Variants in BPTF observed in about 807,000 individuals in gnomAD.
BPTF encodes bromodomain PHD finger transcription factor.
BPTF carries 18 observed loss-of-function variants against 292.5 expected under a neutral mutation model. The observed-to-expected ratio is 0.06, with a 90% CI of 0.04 to 0.09. The LOEUF is 0.09. Ranked by LOEUF, BPTF falls within the 10% of genes least tolerant of loss-of-function variation. The pLI is 1.00. For missense variants in BPTF, 2,726 were observed against 3,498.7 expected (o/e 0.78, Z 5.57); for synonymous variants, 1,225 against 1,251.9 (o/e 0.98, Z 0.45).
chr17:67,925,663 A>G (rs2063806308), intron 15 of BPTF, among the ~76,000 whole-genome samples: 1 of 152,218 alleles, frequency 6.6e-6, no homozygotes, highest in African/African-American at 2.4e-5. Flanking sequence ...ACAAGTGAGT[A>G]GATATATCTA....
chr17:67,953,046 C>T (rs1229108227), intron 23 of BPTF, among the ~76,000 whole-genome samples: 1 of 151,152 alleles, frequency 6.6e-6, no homozygotes, highest in Non-Finnish European at 1.5e-5. Flanking sequence ...CTGCAAGCTC[C>T]GTCTCCCCGG....
chr17:67,946,063 T>C lies in BPTF; in HGVS notation c.7355T>C (p.Val2452Ala), dbSNP rs1555675129. The change falls in exon 21 of 28, where the codon GTT becomes GCT. Residue 2452 changes from valine (V) to alanine (A), a missense_variant. Physicochemically the swap from Val to Ala is moderately conservative, Grantham distance 64 (BLOSUM62 0). Around this residue, in one of 22 missense-constraint regions of BPTF, gnomAD observed 570 missense variants for 633.5 expected, o/e 0.90. Transcript: ENST00000306378. Reference sequence around the variant, plus strand: ...GTTCTCTCTCAGATCCAGTCACAGGTTGTGGCTCAGATACAGGCTCAGCAA... The same window carrying C: ...GTTCTCTCTCAGATCCAGTCACAGGCTGTGGCTCAGATACAGGCTCAGCAA... ...VQVLSQIQSQVVAQIQAQQSG... is the reference protein window; with the variant it reads ...VQVLSQIQSQAVAQIQAQQSG... 1.2e-6 allele frequency: 2 copies of C among 1,614,116 alleles called. No individual in the cohort carries two copies. Among genetic ancestry groups the C allele is most frequent in the Non-Finnish European group, 1.7e-6 (2 of 1,180,026 alleles).
intron 1 of BPTF, among the ~76,000 whole-genome samples, chr17:67,840,822 C>T (rs1306678718): frequency 4.6e-5 from 7 of 151,998 alleles, no homozygotes; most frequent in Non-Finnish European, 5.9e-5. Context: ...CTCGGCCTCC[C>T]AAAGTGCTGG....
chr17:67,910,019 G>T (rs1358660441), intron 10 of BPTF, among the ~76,000 whole-genome samples: 1 of 152,118 alleles, frequency 6.6e-6, no homozygotes, highest in African/African-American at 2.4e-5. Flanking sequence ...CCCATTAGCA[G>T]TTACTTCCCA....
intron 18 of BPTF, 92 bp from the exon 19 acceptor site, chr17:67,940,347 A>G: frequency 8.7e-7 from 1 of 1,155,738 alleles, no homozygotes; most frequent in Non-Finnish European, 1.2e-6. Context: ...TGAAGATGGA[A>G]AAGAATACGT....
chr17:67,982,003 A>ATG (rs2070451587), intron 27 of BPTF: 1 of 151,576 alleles, frequency 6.6e-6, no homozygotes, highest in African/African-American at 2.6e-5. Flanking sequence ...ATATATATAT[A>ATG]TATATATATA....
intron 2 of BPTF, among the ~76,000 whole-genome samples, chr17:67,856,388 AG>A (rs2058692987): frequency 6.6e-6 from 1 of 152,040 alleles, no homozygotes; most frequent in African/African-American, 2.4e-5. Context: ...TATTAATGAC[AG>A]GTTTTTTTCT....
intron 4 of BPTF, among the ~76,000 whole-genome samples, chr17:67,887,600 G>A (rs974120873): frequency 6.6e-6 from 1 of 152,044 alleles, no homozygotes; most frequent in Non-Finnish European, 1.5e-5. Flanking sequence ...GATATGAGTT[G>A]GAAATCTGTT....
At chr17:67,873,458 CAAA>C (rs996819236) in intron 3 of BPTF, among the ~76,000 whole-genome samples, 2 of 71,102 alleles carry the variant, frequency 2.8e-5, no homozygotes, top group Non-Finnish European at 2.9e-5. Flanking sequence ...AACTCCATCT[CAAA>C]AAAAAAAAAA....
At chr17:67,853,835 A>G (rs902800448) in intron 1 of BPTF, 105 bp from the exon 2 acceptor site, 1 of 810,422 alleles carries the variant, frequency 1.2e-6, no homozygotes, top group Admixed American at 2.5e-5. Flanking sequence ...GACAATTATT[A>G]AAGAAATGTA....
At chr17:67,971,358 C>T (rs1341948424) in intron 26 of BPTF, among the ~76,000 whole-genome samples, 2 of 151,968 alleles carry the variant, frequency 1.3e-5, no homozygotes, top group East Asian at 2.0e-4. Flanking sequence ...GGATTATAGG[C>T]GTGAGCCACC....
At chr17:67,886,364 T>C in intron 4 of BPTF, 1 of 1,340,232 alleles carries the variant, frequency 7.5e-7, no homozygotes, top group Non-Finnish European at 9.9e-7. Flanking sequence ...TTTTTCTTTT[T>C]TTTCTTTTTT....
In BPTF at chr17:67,825,571, C is replaced by T; in HGVS notation, c.-154C>T. The T allele has an allele frequency of 2.3e-6, 1 of 428,300 alleles. No individual in the cohort carries two copies. The highest frequency in any genetic ancestry group is 4.5e-6 in the Non-Finnish European group (1 of 224,068). 26.5% of individuals were successfully genotyped at this position (428,300 alleles called of 1,614,324 possible). ...GATCCGGAGTGGGGCCCCAGCAATT[C>T]GGATTGAGCCTTCTCCCTCCACCCG... is the stretch of plus-strand genomic sequence containing the variant. On this transcript the variant is annotated 5_prime_UTR_variant, in exon 1 of 28. Coordinates refer to ENST00000306378, the MANE Select transcript of BPTF (RefSeq NM_182641.4).
chr17:67,904,053 G>A (rs1478319218), intron 8 of BPTF, 135 bp downstream of exon 8: 2 of 861,272 alleles, frequency 2.3e-6, no homozygotes, highest in African/African-American at 3.6e-5. Context: ...TTTTGAGACA[G>A]AGTCTCGCTC....
intron 17 of BPTF, among the ~76,000 whole-genome samples, chr17:67,931,388 G>C (rs150833966): frequency 1.2e-3 from 182 of 152,318 alleles, no homozygotes; most frequent in African/African-American, 4.1e-3. Context: ...CAGGAGGATT[G>C]CTTAAGCCCA....
intron 11 of BPTF, among the ~76,000 whole-genome samples, chr17:67,918,103 G>A (rs572953672): frequency 2.5e-4 from 38 of 150,866 alleles, no homozygotes; most frequent in Non-Finnish European, 4.4e-4. Flanking sequence ...CCGGCCCTAA[G>A]TTTTGTATTT....
chr17:67,932,616 G>A (rs898080911), intron 18 of BPTF, among the ~76,000 whole-genome samples: 1 of 152,190 alleles, frequency 6.6e-6, no homozygotes, highest in Non-Finnish European at 1.5e-5. Context: ...TGGAAGAATC[G>A]CTTGAAACCA....
chr17:67,871,272 T>C (rs1209406950), intron 3 of BPTF, among the ~76,000 whole-genome samples: 1 of 151,918 alleles, frequency 6.6e-6, no homozygotes, highest in Non-Finnish European at 1.5e-5. Flanking sequence ...CAAAACCTCG[T>C]CTTTACTAAA....
chr17:67,921,261 A>G (rs1193264996), intron 13 of BPTF, among the ~76,000 whole-genome samples: 3 of 151,558 alleles, frequency 2.0e-5, no homozygotes, highest in Non-Finnish European at 4.4e-5. Context: ...CATGTGGCTC[A>G]AGCCTGTAGT....
Sources: gnomAD v4.1 joint callset for allele counts (sites outside exome capture counted in the v4.1 genomes callset) on GRCh38, gnomAD v4.1.1 for gene constraint, gnomAD v4.1.1 regional missense constraint, MANE v1.5 for transcripts, NCBI Gene and HGNC (gene_info 2026-07-23, HGNC 2026-07-21) for gene names.